NT5C2: variants seen among roughly 807,000 people sequenced by gnomAD.
NT5C2 encodes the protein 5'-nucleotidase, cytosolic II.
Under a neutral mutation model 76.1 loss-of-function variants are expected in NT5C2, and 58 were observed. The observed-to-expected ratio is 0.76, with a 90% CI of 0.62 to 0.95. The LOEUF is 0.95. Ranked by LOEUF, NT5C2 falls within the 40% of genes least tolerant of loss-of-function variation. The pLI is 0.00. For missense variants in NT5C2, 478 were observed against 690.3 expected (o/e 0.69, Z 3.45); for synonymous variants, 229 against 237.4 (o/e 0.96, Z 0.32).
chr10:103,093,212 T>C lies in NT5C2; in HGVS notation c.1086A>G (p.Lys362=). 3.1e-6 allele frequency: 5 copies of C among 1,612,068 alleles called. 1 individual carries two copies. In the South Asian group the frequency reaches 5.5e-5, roughly 18 times the overall value. ...CCAAAAAAGTTCGCCACCCTTGCCG[T>C]TTCTTTGATTTTAAAATGTCCCCAA... ...HIFGDILKSK[K]RQGWRTFLVI... The change falls in exon 15 of 19, where the codon AAA becomes AAG. Residue 362 remains lysine (K), a synonymous_variant. Transcript: ENST00000404739.
intron 2 of NT5C2, among the ~76,000 whole-genome samples, chr10:103,178,797 T>C (rs551064116): frequency 8.9e-5 from 12 of 135,052 alleles, no homozygotes; most frequent in Non-Finnish European, 1.2e-4. Context: ...ATCACACCAC[T>C]ACACTCCAGC....
At chr10:103,090,585 G>A in intron 18 of NT5C2, 26 bp downstream of exon 18, 1 of 1,599,210 alleles carries the variant, frequency 6.3e-7, no homozygotes, top group Non-Finnish European at 8.5e-7. Context: ...AGTACATCTT[G>A]GCTGTCCATT....
intron 3 of NT5C2, among the ~76,000 whole-genome samples, chr10:103,159,481 A>G (rs1279410757): frequency 1.3e-5 from 2 of 151,932 alleles, no homozygotes; most frequent in East Asian, 3.8e-4. Flanking sequence ...CCCCTTCTCC[A>G]CCAAAAAGAA....
At chr10:103,090,034 A>G (rs1249608028) in intron 18 of NT5C2, 126 bp from the exon 19 acceptor site, 4 of 633,808 alleles carry the variant, frequency 6.3e-6, no homozygotes, top group Non-Finnish European at 1.0e-5. Context: ...AGGACAAGTC[A>G]ATATAGACTT....
chr10:103,175,059 A>ATGTC, intron 2 of NT5C2, 77 bp from the exon 3 acceptor site: 1 of 804,272 alleles, frequency 1.2e-6, no homozygotes, highest in South Asian at 1.6e-5. Context: ...TAAAAATCAG[A>ATGTC]AAAACTCCAG....
chr10:103,144,722 T>C (rs565337563), intron 3 of NT5C2, among the ~76,000 whole-genome samples: 1 of 152,332 alleles, frequency 6.6e-6, no homozygotes, highest in South Asian at 2.1e-4. Flanking sequence ...ACATTCATTG[T>C]CTACTACAAA....
chr10:103,146,112 C>T (rs2081432731), intron 3 of NT5C2: 2 of 985,362 alleles, frequency 2.0e-6, no homozygotes, highest in South Asian at 9.4e-5. Flanking sequence ...CAAAATTCTT[C>T]GTAAGGTCCC....
chr10:103,191,947 CTTTT>C (rs1418683736), intron 1 of NT5C2, among the ~76,000 whole-genome samples: 1 of 150,514 alleles, frequency 6.6e-6, no homozygotes, highest in East Asian at 1.9e-4. Flanking sequence ...TGAACTTAAC[CTTTT>C]TTGTTCTTTT....
intron 10 of NT5C2, 188 bp downstream of exon 10, chr10:103,098,743 C>T (rs2068811971): frequency 1.9e-5 from 10 of 534,790 alleles, no homozygotes; most frequent in Non-Finnish European, 3.3e-5. Context: ...TCTTGCCTAT[C>T]AAGAAACAGG....
intron 4 of NT5C2, among the ~76,000 whole-genome samples, chr10:103,108,179 A>G (rs1389317249): frequency 6.6e-6 from 1 of 152,116 alleles, no homozygotes; most frequent in East Asian, 1.9e-4. Flanking sequence ...AAAGAAAAGA[A>G]AATGTTGCTC....
intron 4 of NT5C2, among the ~76,000 whole-genome samples, chr10:103,137,859 GA>G (rs1318381031): frequency 6.6e-6 from 1 of 152,156 alleles, no homozygotes. Context: ...AGAAGGAAGG[GA>G]AAAACAGCAC....
intron 3 of NT5C2, among the ~76,000 whole-genome samples, chr10:103,162,092 T>A (rs1204194249): frequency 3.9e-5 from 6 of 152,202 alleles, no homozygotes; most frequent in Admixed American, 2.0e-4. Flanking sequence ...CTTGGCTCAC[T>A]GCAACCTCCG....
intron 3 of NT5C2, among the ~76,000 whole-genome samples, chr10:103,159,762 T>G (rs1349022998): frequency 2.0e-5 from 3 of 150,956 alleles, no homozygotes; most frequent in African/African-American, 7.3e-5. Flanking sequence ...TTAAAGAAAA[T>G]CTAAATAAAT....
intron 4 of NT5C2, among the ~76,000 whole-genome samples, chr10:103,122,494 T>C (rs207471317): frequency 2.0e-5 from 3 of 152,202 alleles, no homozygotes; most frequent in Non-Finnish European, 4.4e-5. Flanking sequence ...GCATGAGAAA[T>C]AGAAACTGAC....
chr10:103,089,142 C>A lies in NT5C2; in HGVS notation c.*530G>T. ...GATAGAGAAGCAGCCTTGCCAGAGT[C>A]ACTGAGGATGAATTAAAGGCTTATA... is the stretch of plus-strand genomic sequence containing the variant. On this transcript the variant is annotated 3_prime_UTR_variant, in exon 19 of 19. Transcript: ENST00000404739. 1 of 227,522 alleles carries A rather than the reference C, an allele frequency of 4.4e-6. No individual in the cohort carries two copies. Among genetic ancestry groups the A allele is most frequent in the Non-Finnish European group, 8.7e-6 (1 of 114,536 alleles). 14.1% of individuals were successfully genotyped at this position (227,522 alleles called of 1,614,324 possible).
At chr10:103,158,403 T>C (rs2083940700) in intron 3 of NT5C2, among the ~76,000 whole-genome samples, 1 of 152,066 alleles carries the variant, frequency 6.6e-6, no homozygotes. Flanking sequence ...GATTTAAATA[T>C]ATATATACAA....
chr10:103,170,634 C>T (rs116925486), intron 3 of NT5C2, among the ~76,000 whole-genome samples: 1,837 of 151,658 alleles, frequency 0.012, 9 homozygotes, highest in Non-Finnish European at 0.019. Context: ...GTGATCCTCC[C>T]ACCTCAGCCT....
intron 4 of NT5C2, among the ~76,000 whole-genome samples, chr10:103,135,115 T>C (rs1377372582): frequency 2.0e-5 from 3 of 152,260 alleles, no homozygotes; most frequent in Non-Finnish European, 4.4e-5. Context: ...TTTTAGTTAA[T>C]GTTGAAATGA....
At chr10:103,106,739 G>T in intron 4 of NT5C2, 33 bp from the exon 5 acceptor site, 1 of 1,239,302 alleles carries the variant, frequency 8.1e-7, no homozygotes, top group Non-Finnish European at 1.2e-6. Context: ...TTAGTTAGCA[G>T]AAAGAACAGC....
Sources: gnomAD v4.1 joint callset for allele counts (sites outside exome capture counted in the v4.1 genomes callset) on GRCh38, gnomAD v4.1.1 for gene constraint, MANE v1.5 for transcripts, NCBI Gene and HGNC (gene_info 2026-07-23, HGNC 2026-07-21) for gene names.